SMC3: variants seen among roughly 807,000 people sequenced by gnomAD.
SMC3 encodes structural maintenance of chromosomes 3, also known as structural maintenance of chromosomes protein 3.
A neutral mutation model predicts 171.8 loss-of-function variants in SMC3; 20 were observed. The ratio of observed to expected loss-of-function variants is 0.12; its 90% CI spans 0.08 to 0.17. SMC3 has a LOEUF of 0.17. Ranked by LOEUF, SMC3 falls within the 10% of genes least tolerant of loss-of-function variation. SMC3 has a pLI of 1.00. For missense variants in SMC3, 543 were observed against 1,420.4 expected (o/e 0.38, Z 9.93); for synonymous variants, 464 against 451.1 (o/e 1.03, Z -0.36).
Position 110,600,421 on chromosome 10 carries a change from A to T in SMC3, c.2428-18A>T. 3.2e-6 allele frequency: 4 copies of T among 1,268,866 alleles called. No individual in the cohort carries two copies. Among genetic ancestry groups the T allele is most frequent in the Non-Finnish European group, 4.6e-6 (4 of 864,934 alleles). 78.6% of individuals were successfully genotyped at this position (1,268,866 alleles called of 1,614,324 possible). On this transcript the variant is annotated intron_variant, in intron 21 of 28. Coordinates refer to ENST00000361804, the MANE Select transcript of SMC3 (RefSeq NM_005445.4). ...TGAAATGTACATGCTTATATAGACA[A>T]CTTTTTCTTAATTCTAGGAAAACAG...
chr10:110,605,063 C>T lies in SMC3; in HGVS notation c.*761C>T, dbSNP rs1227114893. On this transcript the variant is annotated 3_prime_UTR_variant, in exon 29 of 29. Coordinates refer to ENST00000361804, the MANE Select transcript of SMC3 (RefSeq NM_005445.4). ...AGAATGTCCCTCAAATTAGGTTTGT[C>T]TAATATTTTTCTCATGGTTAGATTG... 6.6e-6 allele frequency among the ~76,000 whole-genome samples: 1 copy of T among 152,096 alleles called. No individual in the cohort carries two copies. The highest frequency in any genetic ancestry group is 1.5e-5 in the Non-Finnish European group (1 of 68,008).
intron 18 of SMC3, among the ~76,000 whole-genome samples, chr10:110,595,146 C>A (rs1324877302): frequency 6.6e-6 from 1 of 151,924 alleles, no homozygotes; most frequent in Non-Finnish European, 1.5e-5. Context: ...CTATGCCCGG[C>A]TAATTTTGTA....
chr10:110,583,718 TA>T, intron 11 of SMC3, 122 bp from the exon 12 acceptor site: 4 of 1,237,324 alleles, frequency 3.2e-6, no homozygotes, highest in Non-Finnish European at 4.6e-6. Flanking sequence ...TTTCTTACAT[TA>T]AAAAAGAGTT....
At chr10:110,578,533 C>T in intron 6 of SMC3, 95 bp from the exon 7 acceptor site, 1 of 825,636 alleles carries the variant, frequency 1.2e-6, no homozygotes, top group Non-Finnish European at 2.0e-6. Context: ...CTGATCTTTC[C>T]TCCCTAATGC....
At chr10:110,588,923 G>A (rs1444045915) in intron 13 of SMC3, among the ~76,000 whole-genome samples, 1 of 151,970 alleles carries the variant, frequency 6.6e-6, no homozygotes, top group Non-Finnish European at 1.5e-5. Flanking sequence ...AGTATATAAT[G>A]GACTATTATG....
At chr10:110,600,772 T>G (rs1861373890) in intron 22 of SMC3, among the ~76,000 whole-genome samples, 1 of 152,198 alleles carries the variant, frequency 6.6e-6, no homozygotes. Flanking sequence ...CATACTTGTT[T>G]TATATAATTG....
In SMC3 at chr10:110,582,974, C is replaced by T. The variant is rs116716733; in HGVS notation, c.804+332C>T. On this transcript the variant is annotated intron_variant, in intron 10 of 28. Coordinates refer to ENST00000361804, the MANE Select transcript of SMC3 (RefSeq NM_005445.4). Reference sequence around the variant, plus strand: ...GAAGACAGGGTCTCACTCCATTGCACAGGCTGGAGTGCAGTGGTGAGATCA... The same window carrying T: ...GAAGACAGGGTCTCACTCCATTGCATAGGCTGGAGTGCAGTGGTGAGATCA... Among the ~76,000 whole-genome samples, 618 of 145,152 alleles carry T rather than the reference C, an allele frequency of 4.3e-3. 4 individuals carry two copies. The highest frequency in any genetic ancestry group is 0.015 in the African/African-American group (577 of 38,380).
chr10:110,579,488 C>G (rs890733750), intron 7 of SMC3, among the ~76,000 whole-genome samples: 1 of 152,168 alleles, frequency 6.6e-6, no homozygotes, highest in Non-Finnish European at 1.5e-5. Context: ...ATTTCAGTTT[C>G]TGCCCGTATG....
chr10:110,568,949 G>A lies in SMC3; in HGVS notation c.27G>A (p.Gln9=). The change falls in exon 2 of 29, where the codon CAG becomes CAA. Residue 9 remains glutamine (Q), a synonymous_variant. Coordinates refer to ENST00000361804, the MANE Select transcript of SMC3 (RefSeq NM_005445.4). The part of the protein sequence containing the change: MYIKQVII[Q]GFRSYRDQTI... ...TTTTTATTTACTAGGTGATTATCCAGGGTTTTCGAAGTTACAGAGATCAAA... is the reference window on the plus strand; with the variant it reads ...TTTTTATTTACTAGGTGATTATCCAAGGTTTTCGAAGTTACAGAGATCAAA... 4 of 1,599,058 alleles carry A rather than the reference G, an allele frequency of 2.5e-6. No individual in the cohort carries two copies. Among genetic ancestry groups the A allele is most frequent in the Middle Eastern group, 1.7e-4 (1 of 6,032 alleles).
Position 110,604,357 on chromosome 10 carries a change from AC to A in SMC3, c.*58del. On this transcript the variant is annotated 3_prime_UTR_variant, in exon 29 of 29. Coordinates refer to ENST00000361804, the MANE Select transcript of SMC3 (RefSeq NM_005445.4). ...ATGTATATAGTAATATGATTCTCAT[AC>A]CCAGGAACTGTAAATTTAAACCTAA... 2 of 1,255,706 alleles carry A rather than the reference AC, an allele frequency of 1.6e-6. No individual in the cohort carries two copies. Among genetic ancestry groups the A allele is most frequent in the Non-Finnish European group, 2.3e-6 (2 of 856,130 alleles). 77.8% of individuals were successfully genotyped at this position (1,255,706 alleles called of 1,614,324 possible). A position where few individuals can be genotyped will look rare whatever the true frequency, so the allele number is the denominator to read the frequency against.
At chr10:110,584,025 G>A (rs2134727350) in intron 12 of SMC3, 63 bp downstream of exon 12, 6 of 1,590,370 alleles carry the variant, frequency 3.8e-6, no homozygotes, top group South Asian at 2.2e-5. Context: ...TAGGTTGTCC[G>A]AGGAGCTCAA....
intron 21 of SMC3, 36 bp downstream of exon 21, chr10:110,599,848 G>A (rs201528356): frequency 6.2e-7 from 1 of 1,605,114 alleles, no homozygotes; most frequent in African/African-American, 1.3e-5. Context: ...GAATTCGTTA[G>A]TAATTGGCTA....
At chr10:110,590,021 T>C (rs780424439) in intron 15 of SMC3, 30 bp downstream of exon 15, 5 of 1,560,038 alleles carry the variant, frequency 3.2e-6, no homozygotes, top group South Asian at 1.1e-5. Context: ...CACCTCTGTT[T>C]ACACTGAGTC....
At chr10:110,597,273 T>G (rs1861315449) in intron 19 of SMC3, among the ~76,000 whole-genome samples, 1 of 150,688 alleles carries the variant, frequency 6.6e-6, no homozygotes, top group Non-Finnish European at 1.5e-5. Flanking sequence ...TAGCCATAGT[T>G]TTTTTTTTTA....
At chr10:110,581,796 TACCAC>T in intron 8 of SMC3, 122 bp from the exon 9 acceptor site, 1 of 953,862 alleles carries the variant, frequency 1.0e-6, no homozygotes, top group East Asian at 2.6e-5. Flanking sequence ...TAAATTGGGT[TACCAC>T]ATCACATCAA....
chr10:110,579,930 C>T (rs1417174281), intron 7 of SMC3, among the ~76,000 whole-genome samples: 2 of 152,110 alleles, frequency 1.3e-5, no homozygotes, highest in Admixed American at 1.3e-4. Context: ...TTAAGTTGTA[C>T]CATTCTCTCT....
chr10:110,586,818 C>T (rs926027471), intron 13 of SMC3, among the ~76,000 whole-genome samples: 65 of 152,188 alleles, frequency 4.3e-4, no homozygotes, highest in African/African-American at 1.4e-3. Context: ...CCACTGCTCC[C>T]GGCTAATTTT....
At chr10:110,571,343 A>G (rs1860868734) in intron 2 of SMC3, among the ~76,000 whole-genome samples, 1 of 152,226 alleles carries the variant, frequency 6.6e-6, no homozygotes, top group African/African-American at 2.4e-5. Context: ...TTTCTAAAGA[A>G]GAGACAGGTG....
intron 7 of SMC3, 92 bp downstream of exon 7, chr10:110,578,798 T>C (rs948825080): frequency 2.0e-6 from 2 of 981,908 alleles, no homozygotes; most frequent in Non-Finnish European, 3.1e-6. Context: ...GTGGTTAAGC[T>C]GAAGCAAAAA....
Sources: gnomAD v4.1 joint callset for allele counts (sites outside exome capture counted in the v4.1 genomes callset) on GRCh38, gnomAD v4.1.1 for gene constraint, MANE v1.5 for transcripts, NCBI Gene and HGNC (gene_info 2026-07-23, HGNC 2026-07-21) for gene names.